The following BANK1 variants were observed in gnomAD, a reference collection of about 807,000 sequenced individuals.
BANK1 encodes the protein B cell scaffold protein with ankyrin repeats 1, also known as B-cell scaffold protein with ankyrin repeats.
Under a neutral mutation model 94.5 loss-of-function variants are expected in BANK1, and 95 were observed. The ratio of observed to expected loss-of-function variants is 1.00; its 90% CI spans 0.85 to 1.19. The LOEUF is 1.19. Among genes scored for constraint, BANK1 ranks in the 50% most tolerant of loss-of-function variants. The probability of loss-of-function intolerance (pLI) is 0.00; values close to 1 mark genes in which losing one functional copy is unlikely to be tolerated. For synonymous variants in BANK1, 334 were observed against 308.4 expected (o/e 1.08, Z -0.87); for missense variants, 987 against 932.2 (o/e 1.06, Z -0.77).
chr4:101,992,464 T>A (rs935586566), intron 7 of BANK1, among the ~76,000 whole-genome samples: 1 of 152,126 alleles, frequency 6.6e-6, no homozygotes, highest in South Asian at 2.1e-4. Context: ...AATTCAAAAT[T>A]TTTTTACCAT....
At chr4:102,016,602 A>C (rs1384670981) in intron 7 of BANK1, among the ~76,000 whole-genome samples, 1 of 152,178 alleles carries the variant, frequency 6.6e-6, no homozygotes. Context: ...TGTAATTTCC[A>C]TCATCAGGGT....
chr4:102,042,974 C>T (rs138733212), intron 10 of BANK1, among the ~76,000 whole-genome samples: 4 of 152,108 alleles, frequency 2.6e-5, no homozygotes, highest in Admixed American at 6.6e-5. Context: ...TGCAAAATTA[C>T]TTAGCCTTTT....
In BANK1 at chr4:101,847,768, CACACACAT is replaced by C. The variant is rs1420938623; in HGVS notation, c.470-7265_470-7258del. On this transcript the variant is annotated intron_variant, in intron 2 of 16. Coordinates refer to ENST00000322953, the MANE Select transcript of BANK1 (RefSeq NM_017935.5). ...ACACACACACACACACACACACACA[CACACACAT>C]ATGTCTCACACAGTTTCTTTATCCA... Among the ~76,000 whole-genome samples, 502 of 149,916 alleles carry C rather than the reference CACACACAT, an allele frequency of 3.3e-3. 6 individuals carry two copies. Among genetic ancestry groups the C allele is most frequent in the African/African-American group, 0.012 (469 of 40,508 alleles).
chr4:101,794,100 G>T (rs1725078424), intron 1 of BANK1, among the ~76,000 whole-genome samples: 1 of 152,096 alleles, frequency 6.6e-6, no homozygotes, highest in South Asian at 2.1e-4. Flanking sequence ...AAGAACTAAG[G>T]ATAGGTTGAT....
In BANK1 at chr4:101,870,586, C is replaced by T; in HGVS notation, c.845C>T (p.Thr282Ile). 1.2e-6 allele frequency: 2 copies of T among 1,612,882 alleles called. No individual in the cohort carries two copies. Among genetic ancestry groups the T allele is most frequent in the Non-Finnish European group, 1.7e-6 (2 of 1,179,296 alleles). Residue 282 changes from threonine (T) to isoleucine (I), a missense_variant, in exon 5 of 17, where the codon ACA (threonine) becomes ATA (isoleucine). Thr to Ile is a moderately conservative substitution (Grantham distance 89, BLOSUM62 -1). Coordinates refer to ENST00000322953, the MANE Select transcript of BANK1 (RefSeq NM_017935.5). ...ACAACCAAAATTAAGTACTACCCAA[C>T]AGCAAAGGCAAAGGAATGCCTATTC... ...KATTKIKYYP[T>I]AKAKECLFRM...
intron 1 of BANK1, among the ~76,000 whole-genome samples, chr4:101,798,347 G>A (rs1438651257): frequency 1.3e-5 from 2 of 152,162 alleles, no homozygotes; most frequent in Non-Finnish European, 2.9e-5. Flanking sequence ...TGTCACGGCA[G>A]CAATTTAATT....
At chr4:101,957,531 C>T (rs1004959019) in intron 7 of BANK1, among the ~76,000 whole-genome samples, 8 of 152,170 alleles carry the variant, frequency 5.3e-5, no homozygotes, top group Admixed American at 5.2e-4. Flanking sequence ...GAAGTTTATA[C>T]ATCATCAAGA....
At chr4:101,877,099 G>C (rs927533962) in intron 5 of BANK1, among the ~76,000 whole-genome samples, 4 of 152,130 alleles carry the variant, frequency 2.6e-5, no homozygotes, top group African/African-American at 7.2e-5. Flanking sequence ...TGGCCTTAAG[G>C]AGGAGGTAAA....
chr4:101,816,881 C>T (rs913755954), intron 1 of BANK1, among the ~76,000 whole-genome samples: 1 of 152,062 alleles, frequency 6.6e-6, no homozygotes, highest in Non-Finnish European at 1.5e-5. Context: ...AATAATAACT[C>T]ACAAGTTAAT....
intron 3 of BANK1, among the ~76,000 whole-genome samples, chr4:101,861,500 G>A (rs1274179294): frequency 6.6e-6 from 1 of 152,040 alleles, no homozygotes; most frequent in Non-Finnish European, 1.5e-5. Flanking sequence ...ATCATAAAAA[G>A]AATGTTTTAT....
chr4:101,861,662 G>A (rs1342134268), intron 3 of BANK1, among the ~76,000 whole-genome samples: 1 of 151,454 alleles, frequency 6.6e-6, no homozygotes, highest in Non-Finnish European at 1.5e-5. Flanking sequence ...CATTTATTTT[G>A]GTATGTGTAT....
intron 7 of BANK1, among the ~76,000 whole-genome samples, chr4:101,986,825 A>G (rs1314361287): frequency 4.2e-5 from 5 of 118,904 alleles, no homozygotes; most frequent in African/African-American, 1.7e-4. Context: ...ATATATGTGT[A>G]TATATATGTA....
chr4:101,975,052 AAG>A (rs1194104994), intron 7 of BANK1, among the ~76,000 whole-genome samples: 2 of 152,162 alleles, frequency 1.3e-5, no homozygotes, highest in African/African-American at 2.4e-5. Flanking sequence ...TGCTTAACAA[AAG>A]AGAGAGAGGG....
At chr4:101,865,634 G>A (rs760259956) in intron 4 of BANK1, among the ~76,000 whole-genome samples, 1 of 152,060 alleles carries the variant, frequency 6.6e-6, no homozygotes, top group Non-Finnish European at 1.5e-5. Flanking sequence ...GGGGATTAGG[G>A]GAAGGTATGC....
chr4:101,932,773 A>G (rs2148906041), intron 7 of BANK1, among the ~76,000 whole-genome samples: 1 of 151,672 alleles, frequency 6.6e-6, no homozygotes, highest in East Asian at 2.0e-4. Context: ...GAGACGGAAC[A>G]GAGAGGTGCT....
rs183317070 is a variant in BANK1 at position 101,908,160 on chromosome 4, A to G, written c.1010-9833A>G. ...ACACTACCTGACTTCAAACTGTCCT[A>G]CAAGGCTACAGTAACCAAAACAGCA... On this transcript the variant is annotated intron_variant, in intron 6 of 16. Coordinates refer to ENST00000322953, the MANE Select transcript of BANK1 (RefSeq NM_017935.5). Among the ~76,000 whole-genome samples, 14 of 152,350 alleles carry G rather than the reference A, an allele frequency of 9.2e-5. No individual in the cohort carries two copies. In the East Asian group the frequency reaches 2.7e-3, roughly 29 times the overall value.
At chr4:102,014,564 CA>C (rs1726626608) in intron 7 of BANK1, among the ~76,000 whole-genome samples, 1 of 152,054 alleles carries the variant, frequency 6.6e-6, no homozygotes, top group South Asian at 2.1e-4. Flanking sequence ...TCAAATGAGT[CA>C]AATTTAGTCA....
chr4:101,904,989 T>A (rs180957635), intron 6 of BANK1, among the ~76,000 whole-genome samples: 7 of 152,350 alleles, frequency 4.6e-5, no homozygotes, highest in South Asian at 2.1e-4. Flanking sequence ...ATTTACCCAA[T>A]AAGCTGCTTT....
At chr4:101,884,720 A>T (rs1728786461) in intron 5 of BANK1, among the ~76,000 whole-genome samples, 1 of 152,180 alleles carries the variant, frequency 6.6e-6, no homozygotes, top group Non-Finnish European at 1.5e-5. Context: ...ACTAATACAT[A>T]TCAATGTTAC....
Sources: allele counts gnomAD v4.1 joint callset (sites outside exome capture counted in the v4.1 genomes callset), GRCh38; gene constraint gnomAD v4.1.1; transcripts MANE v1.5; gene names NCBI Gene and HGNC (gene_info 2026-07-23, HGNC 2026-07-21).